Variants in TRANK1 observed in about 807,000 individuals in gnomAD.
TRANK1 encodes TPR and ankyrin repeat-containing protein 1.
TRANK1 carries 198 observed loss-of-function variants against 266.0 expected under a neutral mutation model. The ratio of observed to expected loss-of-function variants is 0.74; its 90% CI spans 0.66 to 0.84. The LOEUF (loss-of-function observed/expected upper bound fraction) is 0.84. Ranked by LOEUF, TRANK1 falls within the 40% of genes least tolerant of loss-of-function variation. The pLI, the probability that TRANK1 is intolerant of heterozygous loss-of-function variation, is 0.00. For synonymous variants in TRANK1, 1,396 were observed against 1,384.1 expected, an observed-to-expected ratio of 1.01 and a Z score of -0.19; for missense variants, 3,326 against 3,634.6, an observed-to-expected ratio of 0.92 and a Z score of 2.18.
rs752321394 is a variant in TRANK1 at position 36,833,891 on chromosome 3, G to A, written c.5692C>T (p.Leu1898Phe). The A allele has an allele frequency of 5.0e-6, 8 of 1,612,882 alleles. No homozygotes were observed. Among genetic ancestry groups the A allele is most frequent in the Non-Finnish European group, 5.9e-6 (7 of 1,179,758 alleles). ...GAATAGGAGAGCTTGGAAATGGGAA[G>A]GGTCTTAGTCTTTAGCATTTCTTCA... is the stretch of plus-strand genomic sequence containing the variant. ...KYEEMLKTKT[L>F]PISKLSYSAS... The change falls in exon 22 of 24, where the codon CTT (leucine) becomes TTT (phenylalanine). Residue 1898 changes from leucine (L) to phenylalanine (F), a missense_variant. Coordinates refer to ENST00000645898, the MANE Select transcript of TRANK1 (RefSeq NM_001329998.2).
chr3:36,878,030 G>A (rs1280632554), intron 8 of TRANK1, among the ~76,000 whole-genome samples: 1 of 132,892 alleles, frequency 7.5e-6, no homozygotes, highest in Non-Finnish European at 1.6e-5. Context: ...TAGATCAGGG[G>A]TCCCCAACCC....
At chr3:36,935,607 C>A (rs2080415415) in intron 1 of TRANK1, among the ~76,000 whole-genome samples, 1 of 152,084 alleles carries the variant, frequency 6.6e-6, no homozygotes, top group African/African-American at 2.4e-5. Flanking sequence ...CATGTCACCA[C>A]ACTCAGCTAT....
chr3:36,895,785 A>AT, intron 4 of TRANK1, 27 bp from the exon 5 acceptor site: 1 of 1,458,296 alleles, frequency 6.9e-7, no homozygotes. Flanking sequence ...TAATTTAGGG[A>AT]TTTTAATGTG....
chr3:36,832,710 T>G lies in TRANK1; in HGVS notation c.6873A>C (p.Glu2291Asp), dbSNP rs752125870. ...AGGATTTGTAATTTGGTTTGAGGAT[T>G]TCTTTGCATGCCATGGGGTTTTCTG... ...VLSENPMACK[E>D]ILKPNYKSFR... The change falls in exon 22 of 24, where the codon GAA becomes GAC. Residue 2291 changes from glutamate to aspartate, a missense_variant. Glu to Asp is a conservative substitution (Grantham distance 45). Transcript: ENST00000645898. The G allele has an allele frequency of 2.3e-5, 37 of 1,613,928 alleles. No individual in the cohort carries two copies. Among genetic ancestry groups the G allele is most frequent in the African/African-American group, 4.0e-5 (3 of 74,940 alleles).
rs548905314 is a variant in TRANK1 at position 36,892,338 on chromosome 3, T to C, written c.639A>G (p.Lys213=). 2.7e-5 allele frequency: 42 copies of C among 1,536,752 alleles called. No individual in the cohort carries two copies. The highest frequency in any genetic ancestry group is 3.7e-5 in the Non-Finnish European group (42 of 1,146,820). Residue 213 remains lysine (K), a splice_region_variant and synonymous_variant, in exon 7 of 24, where the codon AAA becomes AAG. Transcript: ENST00000645898. The part of the protein sequence containing the change: ...PELSLKSLFE[K]YVFIGLYEKM... The stretch of plus-strand genomic sequence containing the variant: ...TCTCATAAAGTCCAATGAAAACGTA[T>C]TTCTGGGGAAAAAAAACACACAGGA...
At chr3:36,891,608 G>T (rs2079696947) in intron 7 of TRANK1, among the ~76,000 whole-genome samples, 1 of 152,240 alleles carries the variant, frequency 6.6e-6, no homozygotes, top group African/African-American at 2.4e-5. Flanking sequence ...AAGTGTGAGT[G>T]TGTGCATATG....
chr3:36,831,357 G>C lies in TRANK1; in HGVS notation c.8226C>G (p.Thr2742=). 1 of 1,613,350 alleles carries C rather than the reference G, an allele frequency of 6.2e-7. No individual in the cohort carries two copies. The highest frequency in any genetic ancestry group is 8.5e-7 in the Non-Finnish European group (1 of 1,179,676). The change falls in exon 22 of 24, where the codon ACC becomes ACG. Residue 2742 remains threonine, a synonymous_variant. Coordinates refer to ENST00000645898, the MANE Select transcript of TRANK1 (RefSeq NM_001329998.2). This position sits in a 1 kb window ranked among gnomAD's most constrained non-coding sequence, Gnocchi z 5.0. ...LCISWRRRVG[T]QMERVREEAR... ...CCTCCTCCCTGACACGCTCCATCTG[G>C]GTGCCCACTCTTCTCCTCCAACTGA...
At chr3:36,923,671 T>C (rs1418366813) in intron 1 of TRANK1, among the ~76,000 whole-genome samples, 1 of 151,970 alleles carries the variant, frequency 6.6e-6, no homozygotes, top group Non-Finnish European at 1.5e-5. Context: ...GGAAACTCTC[T>C]CCCCTCTCTC....
chr3:36,874,278 T>G lies in TRANK1; in HGVS notation c.926A>C (p.Gln309Pro). ...ATCTGCCCCAAAGCGCAGGAGCATCTGCACATCCTCTGTTTGTCCTAGGGC... is the reference window on the plus strand; with the variant it reads ...ATCTGCCCCAAAGCGCAGGAGCATCGGCACATCCTCTGTTTGTCCTAGGGC... ...YLVKRQTEDV[Q>P]MLLRFGADPT... The change falls in exon 9 of 24, where the codon CAG becomes CCG. Residue 309 changes from glutamine to proline, a missense_variant. Coordinates refer to ENST00000645898, the MANE Select transcript of TRANK1 (RefSeq NM_001329998.2). 6.5e-7 allele frequency: 1 copy of G among 1,537,088 alleles called. No individual in the cohort carries two copies. Among genetic ancestry groups the G allele is most frequent in the Non-Finnish European group, 8.7e-7 (1 of 1,146,842 alleles).
At chr3:36,876,791 G>A (rs1032137785) in intron 8 of TRANK1, among the ~76,000 whole-genome samples, 7 of 152,158 alleles carry the variant, frequency 4.6e-5, no homozygotes, top group African/African-American at 1.2e-4. Context: ...GTCTTCAGTC[G>A]CATGAGACAA....
At chr3:36,945,636 C>T (rs1390178229), upstream of TRANK1, among the ~76,000 whole-genome samples, 2 of 152,122 alleles carry the variant, frequency 1.3e-5, no homozygotes, top group East Asian at 1.9e-4. Context: ...CAGTGATGAT[C>T]GACAGAGTAG....
chr3:36,938,121 A>C (rs1391731421), intron 1 of TRANK1, among the ~76,000 whole-genome samples: 2 of 152,170 alleles, frequency 1.3e-5, no homozygotes, highest in African/African-American at 4.8e-5. Flanking sequence ...TAGACAAAAC[A>C]ATCTCCCATG....
chr3:36,852,045 G>A (rs2078991359), intron 14 of TRANK1, 101 bp downstream of exon 14: 1 of 1,383,626 alleles, frequency 7.2e-7, no homozygotes, highest in Non-Finnish European at 9.6e-7. Flanking sequence ...GTGGGACAGG[G>A]ACTATTTTTA....
chr3:36,900,299 T>C (rs2079856270), intron 3 of TRANK1, among the ~76,000 whole-genome samples: 1 of 152,190 alleles, frequency 6.6e-6, no homozygotes, highest in African/African-American at 2.4e-5. Context: ...TTCCTGCCCC[T>C]TTCAAAGTAA....
chr3:36,930,355 G>C (rs2080344889), intron 1 of TRANK1, among the ~76,000 whole-genome samples: 1 of 152,170 alleles, frequency 6.6e-6, no homozygotes, highest in Non-Finnish European at 1.5e-5. Flanking sequence ...CCAACAACAT[G>C]AGTGAGTCTG....
At chr3:36,884,660 T>C (rs1210495558) in intron 8 of TRANK1, among the ~76,000 whole-genome samples, 1 of 152,094 alleles carries the variant, frequency 6.6e-6, no homozygotes, top group Non-Finnish European at 1.5e-5. Flanking sequence ...AGGCCAGGCG[T>C]AGTGGCTCAC....
intron 20 of TRANK1, among the ~76,000 whole-genome samples, chr3:36,837,578 G>A (rs1015432824): frequency 6.6e-6 from 1 of 152,186 alleles, no homozygotes; most frequent in African/African-American, 2.4e-5. Context: ...CTGTGGTAAG[G>A]GACCAAATCA....
intron 20 of TRANK1, 36 bp downstream of exon 20, chr3:36,838,336 G>C: frequency 6.2e-7 from 1 of 1,610,778 alleles, no homozygotes; most frequent in Non-Finnish European, 8.5e-7. Context: ...GTGAAGCCCA[G>C]TTTTCCCTGG....
At position 36,924,038 on chromosome 3, in the gene TRANK1, C is replaced by T. The variant is rs149556663; in HGVS notation, c.24-15584G>A. ...CTCAGGTGCTCTCTTTCTCACTCTA[C>T]ATTCTCCTGTGGGGTCAGCCAGCCA... On this transcript the variant is annotated intron_variant, in intron 1 of 23. Transcript: ENST00000645898. 1.8e-3 allele frequency among the ~76,000 whole-genome samples: 281 copies of T among 152,328 alleles called. 1 individual carries two copies. Among genetic ancestry groups the T allele is most frequent in the Admixed American group, 0.014 (214 of 15,302 alleles).
Sources: gnomAD v4.1 joint callset for allele counts (sites outside exome capture counted in the v4.1 genomes callset) on GRCh38, gnomAD v4.1.1 for gene constraint, Gnocchi (gnomAD v3.1) non-coding constraint, MANE v1.5 for transcripts, NCBI Gene and HGNC (gene_info 2026-07-23, HGNC 2026-07-21) for gene names.